IGF1R: variants seen among roughly 807,000 people sequenced by gnomAD.
The protein encoded by IGF1R is insulin-like growth factor 1 receptor.
In IGF1R, 44 loss-of-function variants were observed where a neutral mutation model predicts 144.6. The observed-to-expected ratio is 0.30, with a 90% CI of 0.24 to 0.39. The LOEUF is 0.39. IGF1R is among the 10% of genes least tolerant of loss of function. The pLI, the probability that IGF1R is intolerant of heterozygous loss-of-function variation, is 1.00. For missense variants in IGF1R, 1,355 were observed against 1,833.7 expected (o/e 0.74, Z 4.77); for synonymous variants, 795 against 722.8 (o/e 1.10, Z -1.60).
chr15:98,762,727 C>CAAACA (rs1225132829), intron 2 of IGF1R, among the ~76,000 whole-genome samples: 3 of 151,364 alleles, frequency 2.0e-5, no homozygotes, highest in Non-Finnish European at 4.4e-5. Flanking sequence ...ACTCTGTCTC[C>CAAACA]AAACAAAACA....
chr15:98,919,803 T>C (rs1881722006), intron 10 of IGF1R, among the ~76,000 whole-genome samples: 1 of 152,190 alleles, frequency 6.6e-6, no homozygotes, highest in Non-Finnish European at 1.5e-5. Flanking sequence ...GGTGAAGGAG[T>C]GTCCAGCAGA....
chr15:98,654,187 A>T (rs773870107), intron 1 of IGF1R, among the ~76,000 whole-genome samples: 1 of 151,958 alleles, frequency 6.6e-6, no homozygotes, highest in Non-Finnish European at 1.5e-5. Flanking sequence ...TTTTTGCCTC[A>T]TTGGTGCTTT....
intron 2 of IGF1R, among the ~76,000 whole-genome samples, chr15:98,721,687 G>T (rs1018454921): frequency 1.8e-4 from 28 of 152,194 alleles, no homozygotes; most frequent in African/African-American, 6.8e-4. Context: ...TCTGGTGCTG[G>T]CCCTGAGAGG....
intron 1 of IGF1R, among the ~76,000 whole-genome samples, chr15:98,702,828 C>G (rs2053769244): frequency 6.6e-6 from 1 of 151,976 alleles, no homozygotes; most frequent in South Asian, 2.1e-4. Context: ...GTCCCAGCTG[C>G]TTGGGAGCTG....
intron 2 of IGF1R, among the ~76,000 whole-genome samples, chr15:98,727,027 A>G (rs2054378465): frequency 6.6e-6 from 1 of 152,096 alleles, no homozygotes; most frequent in African/African-American, 2.4e-5. Flanking sequence ...GGCCTGATGA[A>G]TTATTTTCAT....
intron 20 of IGF1R, among the ~76,000 whole-genome samples, chr15:98,955,865 G>T (rs969844127): frequency 1.3e-5 from 2 of 152,238 alleles, no homozygotes; most frequent in Non-Finnish European, 1.5e-5. Context: ...GGAGAGTTCT[G>T]TGTGGCCACT....
At chr15:98,775,565 G>GC (rs1463569489) in intron 2 of IGF1R, among the ~76,000 whole-genome samples, 1 of 152,192 alleles carries the variant, frequency 6.6e-6, no homozygotes, top group Non-Finnish European at 1.5e-5. Flanking sequence ...TGTGTCCCAA[G>GC]CCCCCACTTG....
intron 2 of IGF1R, among the ~76,000 whole-genome samples, chr15:98,853,179 C>T (rs2011612156): frequency 6.6e-6 from 1 of 152,076 alleles, no homozygotes; most frequent in Non-Finnish European, 1.5e-5. Context: ...TTTCCCTATT[C>T]CTAGGTTTGA....
intron 2 of IGF1R, among the ~76,000 whole-genome samples, chr15:98,839,848 A>C (rs1265463906): frequency 1.3e-5 from 2 of 152,238 alleles, no homozygotes; most frequent in Non-Finnish European, 2.9e-5. Context: ...GTCTTTGTTC[A>C]AATGGTCCTT....
rs2015271328 is a variant in IGF1R at position 98,916,778 on chromosome 15, C to G, written c.2103C>G (p.Ala701=). ...VCGGEKGPCC[A]CPKTEAEKQA... ...GTGGGGAGAAAGGGCCTTGCTGCGC[C>G]TGCCCCAAAACTGAAGCCGAGAAGC... Residue 701 remains alanine, a synonymous_variant, in exon 10 of 21, where the codon GCC becomes GCG. Transcript: ENST00000650285. The G allele has an allele frequency of 6.2e-7, 1 of 1,613,940 alleles. No individual in the cohort carries two copies. The highest frequency in any genetic ancestry group is 8.5e-7 in the Non-Finnish European group (1 of 1,180,020).
intron 1 of IGF1R, among the ~76,000 whole-genome samples, chr15:98,665,178 C>G (rs192999002): frequency 1.3e-5 from 2 of 152,138 alleles, no homozygotes; most frequent in Non-Finnish European, 1.5e-5. Context: ...GTCTTGATCT[C>G]CTGACCTTGT....
intron 2 of IGF1R, among the ~76,000 whole-genome samples, chr15:98,765,798 A>G (rs1434898900): frequency 1.3e-5 from 2 of 152,054 alleles, no homozygotes; most frequent in Non-Finnish European, 2.9e-5. Context: ...TGATTGCACA[A>G]CCCACTCCTT....
At chr15:98,880,283 C>G (rs2013303760) in intron 2 of IGF1R, among the ~76,000 whole-genome samples, 1 of 152,118 alleles carries the variant, frequency 6.6e-6, no homozygotes, top group Non-Finnish European at 1.5e-5. Flanking sequence ...CTCTCTTTAC[C>G]CTTACTAATT....
intron 2 of IGF1R, among the ~76,000 whole-genome samples, chr15:98,875,822 C>G (rs1019567220): frequency 1.3e-5 from 2 of 152,168 alleles, no homozygotes; most frequent in African/African-American, 4.8e-5. Flanking sequence ...TGCTAGGACT[C>G]TCTAAGCGTG....
At chr15:98,679,003 C>A (rs574870085) in intron 1 of IGF1R, among the ~76,000 whole-genome samples, 11 of 150,720 alleles carry the variant, frequency 7.3e-5, no homozygotes, top group Non-Finnish European at 1.6e-4. Flanking sequence ...CTCACTGTAG[C>A]CCCAGCCCAC....
chr15:98,735,856 C>T (rs2054597423), intron 2 of IGF1R, among the ~76,000 whole-genome samples: 1 of 152,222 alleles, frequency 6.6e-6, no homozygotes, highest in African/African-American at 2.4e-5. Context: ...CCATGTACTG[C>T]TTCTGGCTTC....
In IGF1R at chr15:98,935,499, G is replaced by A. The variant is rs1159986218; in HGVS notation, c.3297+73G>A. ...TTTTCCTTTATAATCTCCCTGCAAGGAAATGCTGTGTCTTTAAATCAGTTT... is the reference window on the plus strand; with the variant it reads ...TTTTCCTTTATAATCTCCCTGCAAGAAAATGCTGTGTCTTTAAATCAGTTT... On this transcript the variant is annotated intron_variant, in intron 17 of 20. Transcript: ENST00000650285. This position sits in a 1 kb window ranked among gnomAD's most constrained non-coding sequence, Gnocchi z 4.2. 2.3e-6 allele frequency: 2 copies of A among 862,126 alleles called. No homozygotes were observed. Among genetic ancestry groups the A allele is most frequent in the Non-Finnish European group, 3.9e-6 (2 of 516,524 alleles). 53.4% of individuals were successfully genotyped at this position (862,126 alleles called of 1,614,324 possible).
chr15:98,656,901 T>C (rs961213780), intron 1 of IGF1R, among the ~76,000 whole-genome samples: 2 of 152,256 alleles, frequency 1.3e-5, no homozygotes, highest in African/African-American at 4.8e-5. Context: ...GGCACTAGCT[T>C]TCTCAAACTG....
At chr15:98,654,101 T>G (rs1224775979) in intron 1 of IGF1R, among the ~76,000 whole-genome samples, 1 of 152,218 alleles carries the variant, frequency 6.6e-6, no homozygotes, top group African/African-American at 2.4e-5. Flanking sequence ...AGTTAGCATT[T>G]TAAAGGTTCT....
Sources: gnomAD v4.1 joint callset for allele counts (sites outside exome capture counted in the v4.1 genomes callset) on GRCh38, gnomAD v4.1.1 for gene constraint, Gnocchi (gnomAD v3.1) non-coding constraint, MANE v1.5 for transcripts, NCBI Gene and HGNC (gene_info 2026-07-23, HGNC 2026-07-21) for gene names.